TMEM14B: variants seen among roughly 807,000 people sequenced by gnomAD.
TMEM14B encodes the protein transmembrane protein 14B.
In TMEM14B, 9 loss-of-function variants were observed where a neutral mutation model predicts 14.8. The observed-to-expected ratio is 0.61, with a 90% CI of 0.37 to 1.06. TMEM14B has a LOEUF of 1.06. TMEM14B is among the 50% of genes least tolerant of loss of function. The probability of loss-of-function intolerance (pLI) is 0.01; values close to 1 mark genes in which losing one functional copy is unlikely to be tolerated. For synonymous variants in TMEM14B, 40 were observed against 51.3 expected, an observed-to-expected ratio of 0.78 and a Z score of 0.94; for missense variants, 128 against 143.6, an observed-to-expected ratio of 0.89 and a Z score of 0.56.
chr6:10,749,721 C>T (rs1023332705), intron 3 of TMEM14B, 23 bp downstream of exon 3: 41 of 1,612,646 alleles, frequency 2.5e-5, no homozygotes, highest in Non-Finnish European at 3.5e-5. Flanking sequence ...TGTTACTTAG[C>T]CTCTTAACAT....
In TMEM14B at chr6:10,751,117, G is replaced by A. The variant is rs370771146; in HGVS notation, c.101-16G>A. The A allele has an allele frequency of 1.4e-4, 228 of 1,612,850 alleles. No individual in the cohort carries two copies. The highest frequency in any genetic ancestry group is 1.6e-4 in the Non-Finnish European group (183 of 1,179,870). ...TGCCTGACATTACAATGCAAGCTGC[G>A]TTTGCTTCCTTCTAGGCAGCGTGCC... On this transcript the variant is annotated splice_polypyrimidine_tract_variant and intron_variant, in intron 3 of 5. Coordinates refer to ENST00000379542, the MANE Select transcript of TMEM14B (RefSeq NM_030969.5).
Position 10,749,084 on chromosome 6 carries a change from A to G in TMEM14B, c.-44-118A>G. 7.7e-6 allele frequency: 5 copies of G among 651,744 alleles called. No individual in the cohort carries two copies. In the South Asian group the frequency reaches 9.2e-5, roughly 12 times the overall value. The allele number at this position is 651,744 out of a possible 1,614,324, so 40.4% of individuals were successfully genotyped here. A position where few individuals can be genotyped will look rare whatever the true frequency, so the allele number is the denominator to read the frequency against. On this transcript the variant is annotated intron_variant, in intron 1 of 5. Transcript: ENST00000379542. Reference sequence around the variant, plus strand: ...GGAAATTGGTACCAGTGTTATCCTCATGGTACAGTGAAGGATACTGAGACT... The same window carrying G: ...GGAAATTGGTACCAGTGTTATCCTCGTGGTACAGTGAAGGATACTGAGACT...
At chr6:10,757,117 T>C (rs945197775), downstream of TMEM14B, 10 of 559,718 alleles carry the variant, frequency 1.8e-5, no homozygotes, top group African/African-American at 1.8e-4. Flanking sequence ...AGGAAAGTTA[T>C]TTGATTGTAC....
chr6:10,751,527 A>G (rs1581612387), intron 4 of TMEM14B, among the ~76,000 whole-genome samples: 1 of 152,106 alleles, frequency 6.6e-6, no homozygotes, highest in Admixed American at 6.5e-5. Flanking sequence ...GTGTTTACCC[A>G]GTAGAATTAG....
intron 4 of TMEM14B, among the ~76,000 whole-genome samples, chr6:10,754,163 T>C (rs1334956502): frequency 6.6e-6 from 1 of 152,186 alleles, no homozygotes; most frequent in Non-Finnish European, 1.5e-5. Context: ...GAGGTTGTAG[T>C]GAGCTGAGAT....
downstream of TMEM14B, chr6:10,756,997 T>G: frequency 1.0e-6 from 1 of 981,636 alleles, no homozygotes; most frequent in Non-Finnish European, 1.2e-6. Flanking sequence ...TATGGTGTCT[T>G]CATTGCCAGA....
chr6:10,751,033 G>A, intron 3 of TMEM14B, 100 bp from the exon 4 acceptor site: 1 of 1,428,640 alleles, frequency 7.0e-7, no homozygotes, highest in South Asian at 1.3e-5. Flanking sequence ...TGTGTTGAGA[G>A]TTCTTTGTGC....
rs768653525 is a variant in TMEM14B, at chr6:10,755,191, C to T, written c.252C>T (p.Tyr84=). 1.2e-5 allele frequency: 20 copies of T among 1,613,904 alleles called. No individual in the cohort carries two copies. Among genetic ancestry groups the T allele is most frequent in the Non-Finnish European group, 1.7e-5 (20 of 1,180,030 alleles). Reference sequence around the variant, plus strand: ...GTGTTATGGGAATGAGATCCTACTACTATGGAAAATTCATGCCTGTAGGTT... The same window carrying T: ...GTGTTATGGGAATGAGATCCTACTATTATGGAAAATTCATGCCTGTAGGTT... ...FVGVMGMRSY[Y]YGKFMPVGLI... The change falls in exon 5 of 6, where the codon TAC becomes TAT. Residue 84 remains tyrosine, a synonymous_variant. Transcript: ENST00000379542.
chr6:10,750,590 C>T (rs796711324), intron 3 of TMEM14B, among the ~76,000 whole-genome samples: 10 of 152,122 alleles, frequency 6.6e-5, no homozygotes, highest in African/African-American at 2.4e-4. Flanking sequence ...CATTATCAAT[C>T]GGACGAATTC....
intron 1 of TMEM14B, 53 bp downstream of exon 1, chr6:10,747,934 T>G (rs1011707729): frequency 6.6e-6 from 1 of 152,242 alleles, no homozygotes; most frequent in Admixed American, 6.5e-5. Flanking sequence ...ACTTTTAACT[T>G]TTAGGGATTA....
intron 4 of TMEM14B, among the ~76,000 whole-genome samples, chr6:10,754,387 C>T (rs556370041): frequency 6.3e-4 from 96 of 152,298 alleles, no homozygotes; most frequent in Non-Finnish European, 1.1e-3. Context: ...TTCTGTGCCA[C>T]GCTGCCCTTT....
At chr6:10,757,614 G>GT (rs1011148192), downstream of TMEM14B, among the ~76,000 whole-genome samples, 1 of 152,164 alleles carries the variant, frequency 6.6e-6, no homozygotes, top group African/African-American at 2.4e-5. Context: ...ATACTGGTAC[G>GT]TTTTTAGTTC....
In TMEM14B at chr6:10,749,423, T is replaced by G. The variant is rs113796871; in HGVS notation, c.23+155T>G. On this transcript the variant is annotated intron_variant, in intron 2 of 5. Transcript: ENST00000379542. Reference sequence around the variant, plus strand: ...TGTGGGCCAGAAACTTGGGTTTGAGTCCCAGCTCTAGCTTTGCTTAGTTGT... The same window carrying G: ...TGTGGGCCAGAAACTTGGGTTTGAGGCCCAGCTCTAGCTTTGCTTAGTTGT... Among the ~76,000 whole-genome samples the G allele has an allele frequency of 8.6e-4, 131 of 152,232 alleles. 1 individual carries two copies. The highest frequency in any genetic ancestry group is 3.0e-3 in the African/African-American group (125 of 41,546).
chr6:10,756,400 T>A, intron 5 of TMEM14B, 67 bp from the exon 6 acceptor site: 1 of 1,582,746 alleles, frequency 6.3e-7, no homozygotes, highest in East Asian at 2.3e-5. Context: ...AGAGTTTAGT[T>A]CCTTAAAAAC....
In TMEM14B at chr6:10,756,756, ATTGATT is replaced by A. The variant is rs1771819626; in HGVS notation, c.*241_*246del. On this transcript the variant is annotated 3_prime_UTR_variant, in exon 6 of 6. Coordinates refer to ENST00000379542, the MANE Select transcript of TMEM14B (RefSeq NM_030969.5). ...CCATCATAGAGATCGATTCTTGTAT[ATTGATT>A]TTATCTCTTTCTGTATCTATAGGTA... 2 of 1,149,578 alleles carry A rather than the reference ATTGATT, an allele frequency of 1.7e-6. No homozygotes were observed. Among genetic ancestry groups the A allele is most frequent in the East Asian group, 1.0e-4 (2 of 19,970 alleles). The allele number at this position is 1,149,578 out of a possible 1,614,324, so 71.2% of individuals were successfully genotyped here.
In TMEM14B at chr6:10,756,540, G is replaced by A; in HGVS notation, c.*22G>A. The A allele has an allele frequency of 6.2e-7, 1 of 1,608,736 alleles. No homozygotes were observed. The highest frequency in any genetic ancestry group is 2.2e-5 in the East Asian group (1 of 44,638). On this transcript the variant is annotated 3_prime_UTR_variant, in exon 6 of 6. Transcript: ENST00000379542. ...TTAGCAGAAGTCATGTTCCAGCTTG[G>A]ACTCATGAAGGATTAAAAATCTGCA...
intron 3 of TMEM14B, 82 bp from the exon 4 acceptor site, chr6:10,751,045 GTCCTTT>G: frequency 6.6e-7 from 1 of 1,520,750 alleles, no homozygotes; most frequent in Non-Finnish European, 9.0e-7. Flanking sequence ...TCTTTGTGCT[GTCCTTT>G]GTAGGGCAGG....
At chr6:10,753,155 G>A (rs1471118164) in intron 4 of TMEM14B, among the ~76,000 whole-genome samples, 2 of 152,024 alleles carry the variant, frequency 1.3e-5, no homozygotes, top group Non-Finnish European at 2.9e-5. Context: ...AGAATCGCTT[G>A]AACCCGGGAA....
chr6:10,756,238 G>A (rs1024844852), intron 5 of TMEM14B, among the ~76,000 whole-genome samples: 2 of 152,116 alleles, frequency 1.3e-5, no homozygotes, highest in African/African-American at 4.8e-5. Context: ...ACTGGCAGTT[G>A]GATTAGGATC....
Sources: allele counts gnomAD v4.1 joint callset (sites outside exome capture counted in the v4.1 genomes callset), GRCh38; gene constraint gnomAD v4.1.1; transcripts MANE v1.5; gene names NCBI Gene and HGNC (gene_info 2026-07-23, HGNC 2026-07-21).